Variants in CACNA1A observed in about 807,000 individuals in gnomAD.
CACNA1A encodes voltage-dependent P/Q-type calcium channel subunit alpha-1A.
CACNA1A carries 57 observed loss-of-function variants against 262.4 expected under a neutral mutation model. The observed-to-expected ratio is 0.22, with a 90% confidence interval of 0.18 to 0.27. The LOEUF (loss-of-function observed/expected upper bound fraction) is 0.27. CACNA1A is among the 10% of genes least tolerant of loss of function. The pLI is 1.00. For missense variants in CACNA1A, 2,526 were observed against 3,562.8 expected, an observed-to-expected ratio of 0.71 and a Z score of 7.41; for synonymous variants, 1,431 against 1,419.3, an observed-to-expected ratio of 1.01 and a Z score of -0.18.
chr19:13,464,167 C>T (rs557306610), intron 1 of CACNA1A, among the ~76,000 whole-genome samples: 4 of 152,276 alleles, frequency 2.6e-5, no homozygotes, highest in East Asian at 3.9e-4. Flanking sequence ...GGCAGAGGAT[C>T]GCTTGAGGCC....
At chr19:13,448,792 A>G (rs1008969367) in intron 3 of CACNA1A, among the ~76,000 whole-genome samples, 1 of 152,208 alleles carries the variant, frequency 6.6e-6, no homozygotes, top group African/African-American at 2.4e-5. Flanking sequence ...AATACACGGC[A>G]GCATACTCCT....
Position 13,398,687 on chromosome 19 carries a change from C to A in CACNA1A, c.540-26908G>T, listed in dbSNP as rs80343749. 1.9e-3 allele frequency among the ~76,000 whole-genome samples: 292 copies of A among 152,320 alleles called. 9 individuals carry two copies. In the East Asian group the frequency reaches 0.051, roughly 26 times the overall value. On this transcript the variant is annotated intron_variant, in intron 3 of 46. Coordinates refer to ENST00000360228, the MANE Select transcript of CACNA1A (RefSeq NM_001127222.2). ...TTGTCTACATTGGGCAATTGCCAAG[C>A]CTCAGTTTCCTCATAGGGAGGTTGG...
intron 3 of CACNA1A, among the ~76,000 whole-genome samples, chr19:13,385,452 ACTC>A (rs1156751340): frequency 6.7e-6 from 1 of 150,354 alleles, no homozygotes; most frequent in Non-Finnish European, 1.5e-5. Context: ...CTGATCTCAA[ACTC>A]CTGACCTTGC....
chr19:13,370,886 A>AATT (rs1229765234), intron 4 of CACNA1A: 1 of 152,044 alleles, frequency 6.6e-6, no homozygotes, highest in Non-Finnish European at 1.5e-5. Flanking sequence ...TGCCTGGCTA[A>AATT]ATTATTATTA....
chr19:13,365,050 G>A, intron 5 of CACNA1A: 2 of 296,138 alleles, frequency 6.8e-6, no homozygotes, highest in Non-Finnish European at 1.3e-5. Flanking sequence ...TTCTTTCTCT[G>A]CTCACTTCCT....
intron 6 of CACNA1A, among the ~76,000 whole-genome samples, chr19:13,351,124 C>T (rs1026413906): frequency 1.3e-4 from 20 of 152,206 alleles, no homozygotes; most frequent in African/African-American, 4.8e-4. Flanking sequence ...ATCTGTTCCT[C>T]CGCTATAAAA....
chr19:13,435,740 ACTGT>A (rs1392342479), intron 3 of CACNA1A, among the ~76,000 whole-genome samples: 1 of 152,152 alleles, frequency 6.6e-6, no homozygotes, highest in African/African-American at 2.4e-5. Context: ...GAAGCCCATG[ACTGT>A]CTGACTGCAG....
intron 18 of CACNA1A, among the ~76,000 whole-genome samples, chr19:13,299,934 C>T (rs186390534): frequency 4.6e-5 from 7 of 152,322 alleles, no homozygotes; most frequent in East Asian, 3.9e-4. Context: ...AAAAGGAGCA[C>T]GCAACCTAGA....
At chr19:13,260,837 G>A (rs1367635021) in intron 26 of CACNA1A, 4 of 152,084 alleles carry the variant, frequency 2.6e-5, no homozygotes, top group Admixed American at 2.6e-4. Flanking sequence ...TATTTTGTAG[G>A]ATGGGCTCTC....
chr19:13,375,112 G>A lies in CACNA1A; in HGVS notation c.540-3333C>T, dbSNP rs144503318. On this transcript the variant is annotated intron_variant, in intron 3 of 46. Coordinates refer to ENST00000360228, the MANE Select transcript of CACNA1A (RefSeq NM_001127222.2). ...TTCCAACAGCGTGTGCTCACTTTGC[G>A]TCTCTGTGTCACACTCTGGTAATTC... is the stretch of plus-strand genomic sequence containing the variant. Among the ~76,000 whole-genome samples, 409 of 152,136 alleles carry A rather than the reference G, an allele frequency of 2.7e-3. 3 individuals are homozygous for A. Among genetic ancestry groups the A allele is most frequent in the African/African-American group, 9.3e-3 (386 of 41,498 alleles).
At chr19:13,348,891 C>G (rs1233588308) in intron 6 of CACNA1A, among the ~76,000 whole-genome samples, 1 of 151,546 alleles carries the variant, frequency 6.6e-6, no homozygotes, top group Non-Finnish European at 1.5e-5. Flanking sequence ...ACCTGTAATC[C>G]CAGCTACTTG....
Position 13,208,953 on chromosome 19 carries a change from G to A in CACNA1A, c.6583C>T (p.Arg2195Trp), listed in dbSNP as rs1463901630. Residue 2195 changes from arginine (R) to tryptophan (W), a missense_variant, in exon 46 of 47, where the codon CGG becomes TGG. By Grantham distance (101) the Arg-to-Trp change is moderately radical. This residue lies in a region of CACNA1A where 929 missense variants were observed against 868.1 expected (regional missense o/e 1.07). Coordinates refer to ENST00000360228, the MANE Select transcript of CACNA1A (RefSeq NM_001127222.2). ...TQSGDLPSKE[R>W]DQERGRPKDR... ...TTGGGCCGGCCCCGCTCCTGGTCCC[G>A]CTCCTTCGACGGCAGGTCCCCGGAT... The A allele has an allele frequency of 1.4e-5, 21 of 1,537,470 alleles. No individual in the cohort carries two copies. Among genetic ancestry groups the A allele is most frequent in the African/African-American group, 1.2e-4 (9 of 73,030 alleles).
Position 13,215,323 on chromosome 19 carries a change from TTTG to T in CACNA1A, c.5732-718_5732-716del, listed in dbSNP as rs1438307319. The T allele has an allele frequency of 8.8e-4, 56 of 63,684 alleles. 3 individuals carry two copies. The highest frequency in any genetic ancestry group is 1.5e-3 in the East Asian group (3 of 1,942). The allele number at this position is 63,684 out of a possible 1,614,324, so 3.9% of individuals were successfully genotyped here. ...ACCGCGCCTGGCTGGTTGTTTTTTTTTTGTTTTTTTTTTGAGATGGAGTTTCAC... is the reference window on the plus strand; with the variant it reads ...ACCGCGCCTGGCTGGTTGTTTTTTTTTTTTTTTTTTGAGATGGAGTTTCAC... On this transcript the variant is annotated intron_variant, in intron 38 of 46. Coordinates refer to ENST00000360228, the MANE Select transcript of CACNA1A (RefSeq NM_001127222.2).
intron 22 of CACNA1A, 166 bp from the exon 23 acceptor site, chr19:13,277,294 T>C: frequency 1.8e-6 from 1 of 560,056 alleles, no homozygotes; most frequent in Non-Finnish European, 3.2e-6. Flanking sequence ...GCCCCTCCCA[T>C]CTCTTTTCAT....
Position 13,227,498 on chromosome 19 carries a change from T to C in CACNA1A, c.5558A>G (p.Gln1853Arg). The change falls in exon 37 of 47, where the codon CAG becomes CGG. Residue 1853 changes from glutamine (Q) to arginine (R), a missense_variant. Around this residue, in one of 17 missense-constraint regions of CACNA1A, gnomAD observed 112 missense variants for 197.2 expected, o/e 0.57. Coordinates refer to ENST00000360228, the MANE Select transcript of CACNA1A (RefSeq NM_001127222.2). ...WGRMPYLDMY[Q>R]MLRHMSPPLG... is the part of the protein sequence containing the mutation. ...GGGCGGAGACATGTGTCTCAGCATC[T>C]GATACATGTCCAGGTAAGGCATGCG... The C allele has an allele frequency of 6.2e-7, 1 of 1,604,426 alleles. No homozygotes were observed. The highest frequency in any genetic ancestry group is 1.1e-5 in the South Asian group (1 of 89,838).
chr19:13,461,105 C>T (rs1441218816), intron 1 of CACNA1A, among the ~76,000 whole-genome samples: 7 of 151,970 alleles, frequency 4.6e-5, no homozygotes, highest in African/African-American at 1.7e-4. Flanking sequence ...TTTGGGAGGC[C>T]GAGGCGGGTG....
rs1303451704 is a variant in CACNA1A at position 13,473,226 on chromosome 19, TACAGGGTG to T, written c.294-18022_294-18015del. Reference sequence around the variant, plus strand: ...CTATAATTGCACTGCTGTACTCTTGTACAGGGTGACAGAGTGAGGCCCTGACAAAAAAA... The same window carrying T: ...CTATAATTGCACTGCTGTACTCTTGTACAGAGTGAGGCCCTGACAAAAAAA... On this transcript the variant is annotated intron_variant, in intron 1 of 46. Transcript: ENST00000360228. Among the ~76,000 whole-genome samples the T allele has an allele frequency of 2.1e-5, 3 of 144,438 alleles. No homozygotes were observed. In the East Asian group the frequency reaches 6.1e-4, roughly 29 times the overall value. 94.8% of individuals were successfully genotyped at this position (144,438 alleles called of 152,430 possible).
chr19:13,464,262 G>A (rs1841952171), intron 1 of CACNA1A, among the ~76,000 whole-genome samples: 1 of 152,162 alleles, frequency 6.6e-6, no homozygotes, highest in Non-Finnish European at 1.5e-5. Flanking sequence ...AGCCAGGCAT[G>A]TTGGCACATG....
At chr19:13,466,010 G>A (rs181769871) in intron 1 of CACNA1A, among the ~76,000 whole-genome samples, 42 of 151,922 alleles carry the variant, frequency 2.8e-4, no homozygotes, top group Non-Finnish European at 4.0e-4. Flanking sequence ...AGGTGGTGGG[G>A]AGGGGAGAAG....
Sources: gnomAD v4.1 joint callset for allele counts (sites outside exome capture counted in the v4.1 genomes callset) on GRCh38, gnomAD v4.1.1 for gene constraint, gnomAD v4.1.1 regional missense constraint, MANE v1.5 for transcripts, NCBI Gene and HGNC (gene_info 2026-07-23, HGNC 2026-07-21) for gene names.